The following TRAF3IP1 variants were observed in gnomAD, a reference collection of about 807,000 sequenced individuals.
TRAF3IP1 encodes intraflagellar transport 54.
Under a neutral mutation model 89.9 loss-of-function variants are expected in TRAF3IP1, and 53 were observed. The ratio of observed to expected loss-of-function variants is 0.59; its 90% CI spans 0.47 to 0.74. The LOEUF is 0.74. TRAF3IP1 is among the 30% of genes least tolerant of loss of function. TRAF3IP1 has a pLI of 0.00. For synonymous variants in TRAF3IP1, 311 were observed against 322.1 expected (o/e 0.97, Z 0.37); for missense variants, 806 against 866.1 (o/e 0.93, Z 0.87).
chr2:238,322,682 T>C (rs968564733), intron 1 of TRAF3IP1, among the ~76,000 whole-genome samples: 2 of 107,112 alleles, frequency 1.9e-5, no homozygotes, highest in Non-Finnish European at 3.7e-5. Flanking sequence ...AGTAAGACCC[T>C]GTCTCAAAAA....
intron 8 of TRAF3IP1, among the ~76,000 whole-genome samples, chr2:238,338,774 C>T (rs530276396): frequency 3.3e-5 from 5 of 152,276 alleles, no homozygotes; most frequent in African/African-American, 1.2e-4. Context: ...CATAGAGAAA[C>T]GGTTTTTATG....
chr2:238,359,362 C>T (rs534648610), intron 15 of TRAF3IP1, among the ~76,000 whole-genome samples: 1 of 152,306 alleles, frequency 6.6e-6, no homozygotes, highest in Non-Finnish European at 1.5e-5. Context: ...CCATGTTCCC[C>T]TTACCCCACG....
At position 238,379,591 on chromosome 2, in the gene TRAF3IP1, C is replaced by T. The variant is rs1018507509; in HGVS notation, c.1690-17868C>T. Among the ~76,000 whole-genome samples, 2 of 152,192 alleles carry T rather than the reference C, an allele frequency of 1.3e-5. No homozygotes were observed. Among genetic ancestry groups the T allele is most frequent in the Non-Finnish European group, 2.9e-5 (2 of 68,038 alleles). ...TCTATTCATAATTAATTCTGTGACACGTGTTTTCTGCCGAGGACCTCTGAC... is the reference window on the plus strand; with the variant it reads ...TCTATTCATAATTAATTCTGTGACATGTGTTTTCTGCCGAGGACCTCTGAC... On this transcript the variant is annotated intron_variant, in intron 15 of 16. Coordinates refer to ENST00000373327, the MANE Select transcript of TRAF3IP1 (RefSeq NM_015650.4). The surrounding 1 kb of genome is among the most constrained non-coding windows in gnomAD (Gnocchi z 4.0).
chr2:238,366,272 A>C (rs972654949), intron 15 of TRAF3IP1, among the ~76,000 whole-genome samples: 3 of 152,224 alleles, frequency 2.0e-5, no homozygotes, highest in African/African-American at 7.2e-5. Context: ...ATATCATTTA[A>C]AATATTTATA....
chr2:238,372,485 T>C (rs1254234866), intron 15 of TRAF3IP1, among the ~76,000 whole-genome samples: 1 of 152,230 alleles, frequency 6.6e-6, no homozygotes, highest in African/African-American at 2.4e-5. Context: ...AGCTGCATAG[T>C]ATTCCATGGT....
At chr2:238,365,933 C>T (rs958051347) in intron 15 of TRAF3IP1, among the ~76,000 whole-genome samples, 1 of 151,990 alleles carries the variant, frequency 6.6e-6, no homozygotes, top group Admixed American at 6.6e-5. Context: ...AATTTGTTAC[C>T]ACCCCATTAT....
At chr2:238,358,197 G>A (rs1184129443) in intron 15 of TRAF3IP1, among the ~76,000 whole-genome samples, 3 of 150,870 alleles carry the variant, frequency 2.0e-5, no homozygotes, top group East Asian at 1.9e-4. Context: ...TGCAAGCTCC[G>A]CCTCCCGGAT....
At chr2:238,358,256 G>T (rs769260992) in intron 15 of TRAF3IP1, among the ~76,000 whole-genome samples, 18 of 151,876 alleles carry the variant, frequency 1.2e-4, no homozygotes, top group Non-Finnish European at 1.9e-4. Flanking sequence ...TAAAAATGTG[G>T]CCAGGCGCAG....
chr2:238,334,362 T>A (rs151049760), intron 7 of TRAF3IP1, among the ~76,000 whole-genome samples: 1,808 of 152,392 alleles, frequency 0.012, 10 homozygotes, highest in Non-Finnish European at 0.018. Context: ...GTCCTTTGCG[T>A]TGGCAGTCTG....
At chr2:238,354,935 C>G (rs1186069930) in intron 14 of TRAF3IP1, among the ~76,000 whole-genome samples, 2 of 151,870 alleles carry the variant, frequency 1.3e-5, no homozygotes, top group African/African-American at 4.8e-5. Flanking sequence ...AGGTGTGAGC[C>G]ACCAAGCCCA....
chr2:238,393,139 G>A (rs1203690908), intron 15 of TRAF3IP1, among the ~76,000 whole-genome samples: 1 of 152,160 alleles, frequency 6.6e-6, no homozygotes, highest in East Asian at 1.9e-4. Flanking sequence ...GTTCCAGAGT[G>A]GCCATATCTT....
chr2:238,337,116 A>C (rs1477119498), intron 7 of TRAF3IP1, among the ~76,000 whole-genome samples: 1 of 152,164 alleles, frequency 6.6e-6, no homozygotes, highest in Non-Finnish European at 1.5e-5. Context: ...AGTCAATCAC[A>C]GGCTTAAATT....
chr2:238,349,363 C>A lies in TRAF3IP1; in HGVS notation c.1406C>A (p.Pro469His), dbSNP rs1435129686. 2.5e-6 allele frequency: 4 copies of A among 1,614,044 alleles called. No individual in the cohort carries two copies. The African/African-American group carries it at 4.0e-5, about 16-fold the overall frequency. ...PRPGSARPAP[P>H]RVKRQDSMEA... ...CCTGGGAGTGCAAGACCAGCCCCTC[C>A]CCGGGTCAAACGGCAAGACAGCATG... is the stretch of plus-strand genomic sequence containing the variant. Residue 469 changes from proline (P) to histidine (H), a missense_variant, in exon 12 of 17, where the codon CCC becomes CAC. Physicochemically the swap from Pro to His is moderately conservative, Grantham distance 77. Coordinates refer to ENST00000373327, the MANE Select transcript of TRAF3IP1 (RefSeq NM_015650.4).
At chr2:238,349,459 G>A (rs1699048295) in intron 12 of TRAF3IP1, 51 bp downstream of exon 12, 1 of 1,560,760 alleles carries the variant, frequency 6.4e-7, no homozygotes, top group Non-Finnish European at 8.8e-7. Context: ...GTTCTCCAGT[G>A]GGCATGGTGC....
At chr2:238,397,395 C>T (rs992383554) in intron 15 of TRAF3IP1, 64 bp from the exon 16 acceptor site, 5 of 1,460,418 alleles carry the variant, frequency 3.4e-6, no homozygotes, top group Admixed American at 1.7e-5. Context: ...GCTGAGTGCA[C>T]CGGCCCTGTT....
At chr2:238,335,189 T>TCTAA (rs1698325620) in intron 7 of TRAF3IP1, among the ~76,000 whole-genome samples, 1 of 152,252 alleles carries the variant, frequency 6.6e-6, no homozygotes, top group African/African-American at 2.4e-5. Flanking sequence ...TGTTATGTGC[T>TCTAA]TGAGGCCTCT....
At chr2:238,362,607 C>T (rs1318468154) in intron 15 of TRAF3IP1, among the ~76,000 whole-genome samples, 1 of 152,202 alleles carries the variant, frequency 6.6e-6, no homozygotes, top group African/African-American at 2.4e-5. Flanking sequence ...AGGATATTTA[C>T]TGGAAGTTGG....
intron 15 of TRAF3IP1, among the ~76,000 whole-genome samples, chr2:238,357,806 G>A (rs1040397327): frequency 2.6e-5 from 4 of 152,126 alleles, no homozygotes; most frequent in Non-Finnish European, 5.9e-5. Context: ...AGCCTCCATT[G>A]GTTTCAATTT....
In TRAF3IP1 at chr2:238,397,541, A is replaced by T. The variant is rs1701284188; in HGVS notation, c.1772A>T (p.Gln591Leu). Residue 591 changes from glutamine to leucine, a missense_variant, in exon 16 of 17, where the codon CAG (glutamine) becomes CTG (leucine). Coordinates refer to ENST00000373327, the MANE Select transcript of TRAF3IP1 (RefSeq NM_015650.4). ...KEIEKLRTSIQTLCKSALPLG... is the reference protein window; with the variant it reads ...KEIEKLRTSILTLCKSALPLG... ...ATAGAGAAGCTCCGCACGTCCATCC[A>T]GACCCTGTGCAAGAGCGCACTTCCC... 1.2e-6 allele frequency: 2 copies of T among 1,613,114 alleles called. No homozygotes were observed. Among genetic ancestry groups the T allele is most frequent in the Non-Finnish European group, 1.7e-6 (2 of 1,179,962 alleles).
Sources: gnomAD v4.1 joint callset for allele counts (sites outside exome capture counted in the v4.1 genomes callset) on GRCh38, gnomAD v4.1.1 for gene constraint, Gnocchi (gnomAD v3.1) non-coding constraint, MANE v1.5 for transcripts, NCBI Gene and HGNC (gene_info 2026-07-23, HGNC 2026-07-21) for gene names.